The following ZRANB3 variants were observed in gnomAD, a reference collection of about 807,000 sequenced individuals.
The protein encoded by ZRANB3 is DNA annealing helicase and endonuclease ZRANB3.
A neutral mutation model predicts 133.8 loss-of-function variants in ZRANB3; 125 were observed. That is an observed-to-expected ratio of 0.93 (90% CI 0.81 to 1.08). ZRANB3 has a LOEUF of 1.08. ZRANB3 is among the 50% of genes least tolerant of loss of function. The probability of loss-of-function intolerance (pLI) is 0.00; values close to 1 mark genes in which losing one functional copy is unlikely to be tolerated. For synonymous variants in ZRANB3, 387 were observed against 432.7 expected (o/e 0.89, Z 1.31); for missense variants, 1,229 against 1,275.5 (o/e 0.96, Z 0.56).
chr2:135,487,907 AT>A (rs1194989901), intron 2 of ZRANB3, among the ~76,000 whole-genome samples: 2 of 152,162 alleles, frequency 1.3e-5, no homozygotes, highest in Non-Finnish European at 2.9e-5. Flanking sequence ...TTCCTTTGCA[AT>A]CCACAACTTG....
chr2:135,243,780 G>A (rs910688608), intron 12 of ZRANB3, among the ~76,000 whole-genome samples: 1 of 151,964 alleles, frequency 6.6e-6, no homozygotes, highest in Non-Finnish European at 1.5e-5. Context: ...TGCCATGTCT[G>A]GTTAATTTTT....
At chr2:135,242,458 CTTT>C (rs111664138) in intron 12 of ZRANB3, among the ~76,000 whole-genome samples, 1 of 142,554 alleles carries the variant, frequency 7.0e-6, no homozygotes, top group African/African-American at 2.6e-5. Flanking sequence ...TACTTTCTTT[CTTT>C]TTTTTTTTTT....
At chr2:135,276,880 G>C (rs1266134493) in intron 8 of ZRANB3, among the ~76,000 whole-genome samples, 2 of 152,204 alleles carry the variant, frequency 1.3e-5, no homozygotes, top group Non-Finnish European at 2.9e-5. Flanking sequence ...TGGGGGGTAG[G>C]AGTGTGGTTA....
intron 2 of ZRANB3, among the ~76,000 whole-genome samples, chr2:135,449,394 C>A (rs537208625): frequency 4.8e-4 from 73 of 152,194 alleles, no homozygotes; most frequent in Non-Finnish European, 7.6e-4. Flanking sequence ...CCAAGGTGGG[C>A]GGATCACCTG....
At chr2:135,452,549 A>G (rs1272476134) in intron 2 of ZRANB3, among the ~76,000 whole-genome samples, 4 of 152,210 alleles carry the variant, frequency 2.6e-5, no homozygotes, top group Non-Finnish European at 5.9e-5. Flanking sequence ...TACGTCCTGG[A>G]TACAATGGGA....
At chr2:135,204,584 G>C (rs990781816) in intron 19 of ZRANB3, among the ~76,000 whole-genome samples, 1 of 148,232 alleles carries the variant, frequency 6.7e-6, no homozygotes, top group Non-Finnish European at 1.5e-5. Flanking sequence ...CTTGGCCCAG[G>C]AGCCAGGAGT....
At chr2:135,203,110 T>G (rs1343065465) in intron 19 of ZRANB3, 147 bp from the exon 20 acceptor site, 2 of 940,848 alleles carry the variant, frequency 2.1e-6, no homozygotes, top group African/African-American at 3.4e-5. Context: ...TTATTGTGAG[T>G]AGAAAAAACC....
chr2:135,447,824 T>A (rs1690089431), intron 2 of ZRANB3, among the ~76,000 whole-genome samples: 1 of 152,206 alleles, frequency 6.6e-6, no homozygotes, highest in African/African-American at 2.4e-5. Flanking sequence ...GTTTATTTTT[T>A]ATACTTATAA....
At position 135,218,193 on chromosome 2, in the gene ZRANB3, C is replaced by T. The variant is rs111375603; in HGVS notation, c.2353-586G>A. 3.0e-3 allele frequency among the ~76,000 whole-genome samples: 450 copies of T among 152,244 alleles called. 3 individuals carry two copies. The highest frequency in any genetic ancestry group is 0.01 in the African/African-American group (419 of 41,538). ...TATGCCCTTAACACACATAGATCAA[C>T]AGTGATAATATGCTCATTGAGACCA... On this transcript the variant is annotated intron_variant, in intron 16 of 20. Transcript: ENST00000264159.
intron 6 of ZRANB3, among the ~76,000 whole-genome samples, chr2:135,338,553 C>T (rs1483556307): frequency 5.3e-5 from 8 of 152,320 alleles, no homozygotes; most frequent in African/African-American, 1.4e-4. Context: ...TTCAAGACAT[C>T]CAGGGAAAAT....
At chr2:135,213,229 G>A (rs992460175) in intron 17 of ZRANB3, among the ~76,000 whole-genome samples, 3 of 152,136 alleles carry the variant, frequency 2.0e-5, no homozygotes, top group African/African-American at 7.2e-5. Flanking sequence ...AAGGGGGTCC[G>A]AGGAGTTTCA....
intron 3 of ZRANB3, among the ~76,000 whole-genome samples, chr2:135,382,237 G>C (rs1686744406): frequency 6.6e-6 from 1 of 152,126 alleles, no homozygotes; most frequent in Non-Finnish European, 1.5e-5. Flanking sequence ...GGAAGAAAGG[G>C]TATCAGTGAT....
Position 135,265,684 on chromosome 2 carries a change from A to G in ZRANB3, c.1389T>C (p.Ala463=). 4 of 1,609,698 alleles carry G rather than the reference A, an allele frequency of 2.5e-6. No homozygotes were observed. The highest frequency in any genetic ancestry group is 3.4e-6 in the Non-Finnish European group (4 of 1,178,308). ...TLMWGMLNRK[A]QVTGSTLNGR... ...CGTTCAGTGTGCTCCCTGTAACTTG[A>G]GCCTACAAGAGGAAAAAGTAAATGA... The change falls in exon 12 of 21, where the codon GCT becomes GCC. Residue 463 remains alanine, a splice_region_variant and synonymous_variant. Coordinates refer to ENST00000264159, the MANE Select transcript of ZRANB3 (RefSeq NM_032143.4).
chr2:135,444,971 G>A (rs1463135481), intron 2 of ZRANB3, among the ~76,000 whole-genome samples: 1 of 152,142 alleles, frequency 6.6e-6, no homozygotes, highest in East Asian at 1.9e-4. Context: ...GCCTCCGTAA[G>A]TGTAATTTTG....
At chr2:135,387,839 G>A (rs1398607568) in intron 3 of ZRANB3, among the ~76,000 whole-genome samples, 1 of 152,182 alleles carries the variant, frequency 6.6e-6, no homozygotes, top group Admixed American at 6.6e-5. Context: ...AGCCAAATGT[G>A]AAAAGTGCTA....
At chr2:135,439,265 T>C (rs1689678435) in intron 2 of ZRANB3, among the ~76,000 whole-genome samples, 1 of 152,186 alleles carries the variant, frequency 6.6e-6, no homozygotes, top group Admixed American at 6.5e-5. Flanking sequence ...GTTTGCCAAA[T>C]GAAGTTGATT....
At position 135,313,613 on chromosome 2, in the gene ZRANB3, G is replaced by A. The variant is rs1683108786; in HGVS notation, c.850-8C>T. 6.4e-7 allele frequency: 1 copy of A among 1,569,408 alleles called. No individual in the cohort carries two copies. Among genetic ancestry groups the A allele is most frequent in the African/African-American group, 1.4e-5 (1 of 73,734 alleles). ...AAAGCTGGTATTCAATTCCTATGTG[G>A]GAAAAAATAACACTGTTTATGAATA... On this transcript the variant is annotated splice_region_variant and splice_polypyrimidine_tract_variant and intron_variant, in intron 7 of 20. Transcript: ENST00000264159.
chr2:135,325,890 AT>A (rs1244947530), intron 6 of ZRANB3, among the ~76,000 whole-genome samples: 1 of 152,238 alleles, frequency 6.6e-6, no homozygotes, highest in African/African-American at 2.4e-5. Flanking sequence ...CTAGATCTAA[AT>A]ACGAACATGG....
chr2:135,524,674 A>G (rs1694078814), intron 1 of ZRANB3, among the ~76,000 whole-genome samples: 1 of 152,208 alleles, frequency 6.6e-6, no homozygotes. Context: ...ACACCAAAAC[A>G]TATTATTACA....
Sources: gnomAD v4.1 joint callset for allele counts (sites outside exome capture counted in the v4.1 genomes callset) on GRCh38, gnomAD v4.1.1 for gene constraint, MANE v1.5 for transcripts, NCBI Gene and HGNC (gene_info 2026-07-23, HGNC 2026-07-21) for gene names.